Variants in SLC35F4 observed in about 807,000 individuals in gnomAD.
SLC35F4 encodes the protein chromosome 14 open reading frame 36.
Under a neutral mutation model 44.2 loss-of-function variants are expected in SLC35F4, and 24 were observed. The ratio of observed to expected loss-of-function variants is 0.54; its 90% CI spans 0.39 to 0.76. The LOEUF is 0.76. Ranked by LOEUF, SLC35F4 falls within the 30% of genes least tolerant of loss-of-function variation. SLC35F4 has a pLI of 0.00. For missense variants in SLC35F4, 562 were observed against 586.1 expected (o/e 0.96, Z 0.42); for synonymous variants, 238 against 223.6 (o/e 1.06, Z -0.57).
intron 1 of SLC35F4, among the ~76,000 whole-genome samples, chr14:57,907,967 G>A (rs1889137449): frequency 6.6e-6 from 1 of 151,876 alleles, no homozygotes; most frequent in South Asian, 2.1e-4. Flanking sequence ...AACAAGCCCT[G>A]GTGTGTGATG....
intron 1 of SLC35F4, among the ~76,000 whole-genome samples, chr14:57,904,752 A>C (rs534022731): frequency 6.6e-6 from 1 of 152,274 alleles, no homozygotes; most frequent in African/African-American, 2.4e-5. Flanking sequence ...GCTCAGAGTT[A>C]AAGCACTTAT....
chr14:57,944,317 G>A (rs997142092), intron 1 of SLC35F4, among the ~76,000 whole-genome samples: 1 of 152,108 alleles, frequency 6.6e-6, no homozygotes, highest in Non-Finnish European at 1.5e-5. Flanking sequence ...GCATACAAAT[G>A]TGTTAACCCG....
chr14:57,792,897 A>T (rs1335117241), intron 1 of SLC35F4, among the ~76,000 whole-genome samples: 1 of 150,934 alleles, frequency 6.6e-6, no homozygotes, highest in African/African-American at 2.5e-5. Context: ...GTAACCAAAC[A>T]CCACCTGTAC....
intron 1 of SLC35F4, among the ~76,000 whole-genome samples, chr14:57,617,091 C>G (rs1441067704): frequency 6.6e-6 from 1 of 150,778 alleles, no homozygotes; most frequent in Non-Finnish European, 1.5e-5. Context: ...TAGGGAAACC[C>G]CATATTGGAA....
At chr14:57,630,308 C>T in intron 1 of SLC35F4, 1 of 573,628 alleles carries the variant, frequency 1.7e-6, no homozygotes, top group Non-Finnish European at 3.3e-6. Flanking sequence ...CTTCTGATTA[C>T]AACTATAGAA....
At chr14:57,619,193 A>G (rs941284397) in intron 1 of SLC35F4, among the ~76,000 whole-genome samples, 2 of 152,182 alleles carry the variant, frequency 1.3e-5, no homozygotes, top group African/African-American at 4.8e-5. Context: ...GAGCTCTGCT[A>G]AGGGTCAGAC....
intron 1 of SLC35F4, among the ~76,000 whole-genome samples, chr14:57,809,388 G>C (rs1881708602): frequency 6.6e-6 from 1 of 152,098 alleles, no homozygotes; most frequent in African/African-American, 2.4e-5. Context: ...GTGATTCATG[G>C]CATTTGCAGT....
chr14:57,709,241 A>G (rs935086828), intron 1 of SLC35F4, among the ~76,000 whole-genome samples: 1 of 152,150 alleles, frequency 6.6e-6, no homozygotes, highest in East Asian at 1.9e-4. Context: ...CTACCGCTAG[A>G]CCATGGTCCA....
intron 1 of SLC35F4, among the ~76,000 whole-genome samples, chr14:57,934,039 C>T (rs549142022): frequency 7.9e-5 from 12 of 152,154 alleles, no homozygotes; most frequent in East Asian, 7.7e-4. Flanking sequence ...AGTCCAATTG[C>T]GTGAGTGACA....
At chr14:57,571,071 G>A (rs1255720540) in intron 5 of SLC35F4, among the ~76,000 whole-genome samples, 1 of 152,150 alleles carries the variant, frequency 6.6e-6, no homozygotes, top group Non-Finnish European at 1.5e-5. Flanking sequence ...AATCAGAACA[G>A]GCTTCCAGGA....
intron 1 of SLC35F4, among the ~76,000 whole-genome samples, chr14:57,754,913 GT>G (rs2076961655): frequency 6.6e-6 from 1 of 152,210 alleles, no homozygotes; most frequent in African/African-American, 2.4e-5. Context: ...AATAAGATAG[GT>G]TTGGAGGAGC....
intron 1 of SLC35F4, among the ~76,000 whole-genome samples, chr14:57,670,199 C>T (rs191662001): frequency 1.2e-4 from 19 of 152,004 alleles, no homozygotes; most frequent in Admixed American, 3.9e-4. Flanking sequence ...TTTTTTATTG[C>T]GTCTATTTGA....
At chr14:57,914,615 AT>A (rs1383080015) in intron 1 of SLC35F4, among the ~76,000 whole-genome samples, 1 of 152,140 alleles carries the variant, frequency 6.6e-6, no homozygotes, top group Non-Finnish European at 1.5e-5. Context: ...CACTCCAGCA[AT>A]AATGGCACTA....
chr14:57,639,759 T>C (rs1314821755), intron 1 of SLC35F4, among the ~76,000 whole-genome samples: 1 of 151,998 alleles, frequency 6.6e-6, no homozygotes, highest in Non-Finnish European at 1.5e-5. Context: ...GGACTACTAA[T>C]CATGAGTCTA....
chr14:57,676,034 C>T (rs969514385), intron 1 of SLC35F4, among the ~76,000 whole-genome samples: 2 of 151,972 alleles, frequency 1.3e-5, no homozygotes, highest in Non-Finnish European at 2.9e-5. Context: ...AGACAACCCA[C>T]AGAGTGGAAG....
chr14:57,946,469 C>CTTTTTTTTT (rs71104596), intron 1 of SLC35F4, among the ~76,000 whole-genome samples: 60 of 78,184 alleles, frequency 7.7e-4, no homozygotes, highest in Non-Finnish European at 1.1e-3. Flanking sequence ...GTTTTCTTTT[C>CTTTTTTTTT]TTTTTTTTTT....
intron 1 of SLC35F4, among the ~76,000 whole-genome samples, chr14:57,765,383 C>T (rs2140648825): frequency 6.6e-6 from 1 of 152,304 alleles, no homozygotes; most frequent in African/African-American, 2.4e-5. Flanking sequence ...TCTACAGGTT[C>T]CCGTCAGTCA....
At chr14:57,566,206 G>C (rs560493884) in intron 7 of SLC35F4, among the ~76,000 whole-genome samples, 1 of 152,212 alleles carries the variant, frequency 6.6e-6, no homozygotes, top group East Asian at 1.9e-4. Context: ...ACAAAATTAG[G>C]TTGTCAGGGA....
At chr14:57,963,660 A>T (rs543281365) in intron 1 of SLC35F4, among the ~76,000 whole-genome samples, 1 of 143,510 alleles carries the variant, frequency 7.0e-6, no homozygotes, top group South Asian at 2.3e-4. Context: ...ACGACCCAGG[A>T]CTCATCTTTG....
Sources: allele counts gnomAD v4.1 joint callset (sites outside exome capture counted in the v4.1 genomes callset), GRCh38; gene constraint gnomAD v4.1.1; transcripts MANE v1.5; gene names NCBI Gene and HGNC (gene_info 2026-07-23, HGNC 2026-07-21).